LIMA1: variants seen among roughly 807,000 people sequenced by gnomAD.
The protein encoded by LIMA1 is LIM domain and actin binding 1, also known as LIM domain and actin-binding protein 1.
Under a neutral mutation model 62.6 loss-of-function variants are expected in LIMA1, and 52 were observed. That is an observed-to-expected ratio of 0.83 (90% CI 0.67 to 1.05). LIMA1 has a LOEUF of 1.05. Ranked by LOEUF, LIMA1 falls within the 50% of genes least tolerant of loss-of-function variation. The pLI, the probability that LIMA1 is intolerant of heterozygous loss-of-function variation, is 0.00. For missense variants in LIMA1, 780 were observed against 902.2 expected (o/e 0.86, Z 1.74); for synonymous variants, 302 against 317.8 (o/e 0.95, Z 0.53).
chr12:50,203,496 C>A (rs1409590442), intron 6 of LIMA1, among the ~76,000 whole-genome samples: 1 of 151,894 alleles, frequency 6.6e-6, no homozygotes, highest in Non-Finnish European at 1.5e-5. Context: ...TCACTGCAAC[C>A]TCTGCCTCCT....
intron 1 of LIMA1, among the ~76,000 whole-genome samples, chr12:50,259,876 G>A (rs1942043141): frequency 6.6e-6 from 1 of 152,114 alleles, no homozygotes; most frequent in Non-Finnish European, 1.5e-5. Context: ...CCTTTTAAAG[G>A]ATATTTTGTG....
chr12:50,231,600 A>G, intron 3 of LIMA1, 65 bp downstream of exon 3: 1 of 1,402,140 alleles, frequency 7.1e-7, no homozygotes. Context: ...CAGAGGCTGC[A>G]GGTGGCTTGG....
At chr12:50,263,058 G>C (rs1030011629) in intron 1 of LIMA1, among the ~76,000 whole-genome samples, 3 of 152,158 alleles carry the variant, frequency 2.0e-5, no homozygotes, top group African/African-American at 7.2e-5. Context: ...GGTTCACCTA[G>C]TACTTTTCTG....
intron 9 of LIMA1, chr12:50,185,982 G>A (rs765933782): frequency 6.5e-6 from 1 of 153,410 alleles, no homozygotes; most frequent in African/African-American, 2.4e-5. Flanking sequence ...ATAAAGACAA[G>A]AGGGTCCCGA....
chr12:50,265,620 A>T (rs867559308), intron 1 of LIMA1, among the ~76,000 whole-genome samples: 46 of 152,258 alleles, frequency 3.0e-4, no homozygotes, highest in African/African-American at 1.1e-3. Flanking sequence ...TTTCATAATT[A>T]TTAGAAAAAC....
At chr12:50,260,179 C>T (rs9651998) in intron 1 of LIMA1, among the ~76,000 whole-genome samples, 1,728 of 149,010 alleles carry the variant, frequency 0.012, 43 homozygotes, top group African/African-American at 0.041. Context: ...CAGAGTTTCA[C>T]TCTTGTTGCC....
chr12:50,188,031 A>G (rs988901117), intron 9 of LIMA1: 40 of 152,330 alleles, frequency 2.6e-4, no homozygotes, highest in Admixed American at 2.4e-3. Flanking sequence ...TGAACCTGTA[A>G]CTTCATTGGT....
At chr12:50,260,147 CTT>C (rs869151267) in intron 1 of LIMA1, among the ~76,000 whole-genome samples, 26 of 135,208 alleles carry the variant, frequency 1.9e-4, no homozygotes, top group East Asian at 2.2e-4. Context: ...CCTAGAGTTT[CTT>C]TTTTTTTTTT....
intron 1 of LIMA1, chr12:50,256,284 G>A (rs1327470891): frequency 6.6e-6 from 1 of 151,832 alleles, no homozygotes; most frequent in Non-Finnish European, 1.5e-5. Flanking sequence ...TTCACACAGG[G>A]ACCATGCTAA....
intron 9 of LIMA1, among the ~76,000 whole-genome samples, chr12:50,183,422 T>C (rs1399603307): frequency 2.0e-5 from 3 of 151,980 alleles, no homozygotes; most frequent in African/African-American, 4.8e-5. Context: ...AGAAAACACA[T>C]GATGGTAAGT....
chr12:50,279,115 C>T, intron 1 of LIMA1, among the ~76,000 whole-genome samples: 1 of 151,040 alleles, frequency 6.6e-6, no homozygotes, highest in Non-Finnish European at 1.5e-5. Flanking sequence ...AAGGGATTCT[C>T]CTGCTTCAGC....
intron 1 of LIMA1, among the ~76,000 whole-genome samples, chr12:50,270,604 C>CAAAAAAAAA (rs150300834): frequency 1.4e-5 from 1 of 71,696 alleles, no homozygotes; most frequent in Non-Finnish European, 2.6e-5. Flanking sequence ...GACCTTATCT[C>CAAAAAAAAA]AAAAAAAAAA....
intron 1 of LIMA1, among the ~76,000 whole-genome samples, chr12:50,280,493 A>T (rs1451159398): frequency 6.6e-6 from 1 of 152,174 alleles, no homozygotes; most frequent in Non-Finnish European, 1.5e-5. Flanking sequence ...TTAAAAGAAC[A>T]TCAAAAGAAT....
chr12:50,240,911 A>G (rs986893696), intron 2 of LIMA1, among the ~76,000 whole-genome samples: 1 of 151,980 alleles, frequency 6.6e-6, no homozygotes, highest in Non-Finnish European at 1.5e-5. Context: ...ACTGACAAGG[A>G]AGAGAGAGAG....
chr12:50,209,955 G>T (rs777101374), intron 4 of LIMA1, among the ~76,000 whole-genome samples: 15 of 151,998 alleles, frequency 9.9e-5, no homozygotes, highest in Non-Finnish European at 2.1e-4. Context: ...AAGCCACCGC[G>T]CCTGGCCCAC....
intron 1 of LIMA1, among the ~76,000 whole-genome samples, chr12:50,281,949 T>C (rs987212730): frequency 1.3e-5 from 2 of 152,234 alleles, no homozygotes; most frequent in Admixed American, 6.5e-5. Context: ...TAAGTTCTTT[T>C]AGGGTAAAGA....
At chr12:50,223,561 G>A (rs1941483184) in intron 3 of LIMA1, among the ~76,000 whole-genome samples, 2 of 151,860 alleles carry the variant, frequency 1.3e-5, no homozygotes, top group Non-Finnish European at 2.9e-5. Flanking sequence ...AAAATATGCA[G>A]GCTTCAAATG....
At chr12:50,273,099 C>G (rs185579251) in intron 1 of LIMA1, among the ~76,000 whole-genome samples, 9 of 150,348 alleles carry the variant, frequency 6.0e-5, no homozygotes, top group Non-Finnish European at 1.0e-4. Flanking sequence ...TAAGAGGGAG[C>G]CTTACTCTCT....
At chr12:50,181,026 C>T (rs1229609523) in intron 10 of LIMA1, among the ~76,000 whole-genome samples, 5 of 148,818 alleles carry the variant, frequency 3.4e-5, no homozygotes, top group African/African-American at 1.0e-4. Context: ...GCAGGAGAAT[C>T]GCTTGAACTC....
Sources: gnomAD v4.1 joint callset for allele counts (sites outside exome capture counted in the v4.1 genomes callset) on GRCh38, gnomAD v4.1.1 for gene constraint, MANE v1.5 for transcripts, NCBI Gene and HGNC (gene_info 2026-07-23, HGNC 2026-07-21) for gene names.